ROBO1: variants seen among roughly 807,000 people sequenced by gnomAD.
ROBO1 encodes roundabout homolog 1.
A neutral mutation model predicts 195.9 loss-of-function variants in ROBO1; 149 were observed. That is an observed-to-expected ratio of 0.76 (90% CI 0.67 to 0.87). ROBO1 has a LOEUF of 0.87. ROBO1 is among the 40% of genes least tolerant of loss of function. The pLI is 0.00. For missense variants in ROBO1, 1,933 were observed against 2,068.3 expected (o/e 0.93, Z 1.27); for synonymous variants, 816 against 733.2 (o/e 1.11, Z -1.82).
intron 2 of ROBO1, among the ~76,000 whole-genome samples, chr3:79,496,675 C>A (rs1369251268): frequency 1.3e-5 from 2 of 151,018 alleles, no homozygotes; most frequent in Non-Finnish European, 3.0e-5. Context: ...GCGTGAGCCA[C>A]CGCGCCCGGC....
chr3:79,079,950 T>G (rs1224694605), intron 3 of ROBO1, among the ~76,000 whole-genome samples: 1 of 151,742 alleles, frequency 6.6e-6, no homozygotes, highest in African/African-American at 2.4e-5. Context: ...TCAAATGTTT[T>G]TTATTAAAAA....
intron 10 of ROBO1, among the ~76,000 whole-genome samples, chr3:78,677,851 C>G (rs1359240959): frequency 6.6e-6 from 1 of 151,968 alleles, no homozygotes; most frequent in Non-Finnish European, 1.5e-5. Flanking sequence ...AACTCTCCAC[C>G]CCAAATCAAC....
chr3:79,065,009 C>T (rs1040358407), intron 3 of ROBO1, among the ~76,000 whole-genome samples: 10 of 151,882 alleles, frequency 6.6e-5, no homozygotes, highest in East Asian at 1.9e-4. Context: ...TATTAAGAAA[C>T]GAAAAGCTTT....
intron 3 of ROBO1, among the ~76,000 whole-genome samples, chr3:78,948,415 A>G (rs1487144975): frequency 1.3e-5 from 2 of 152,310 alleles, no homozygotes; most frequent in East Asian, 1.9e-4. Flanking sequence ...GACAAAAACC[A>G]CATGACTATC....
chr3:79,144,356 G>A (rs938763480), intron 2 of ROBO1, among the ~76,000 whole-genome samples: 2 of 151,980 alleles, frequency 1.3e-5, no homozygotes, highest in African/African-American at 4.8e-5. Flanking sequence ...TTAGGATTAG[G>A]TTAAAGTTAA....
chr3:78,952,653 A>G (rs933934333), intron 3 of ROBO1, among the ~76,000 whole-genome samples: 1 of 151,986 alleles, frequency 6.6e-6, no homozygotes, highest in African/African-American at 2.4e-5. Flanking sequence ...CCAAATACTC[A>G]TGCTTACTGT....
chr3:79,592,942 C>A (rs79732311), intron 1 of ROBO1, among the ~76,000 whole-genome samples: 1 of 152,052 alleles, frequency 6.6e-6, no homozygotes, highest in African/African-American at 2.4e-5. Flanking sequence ...TGTTTGTTAT[C>A]TCCATAGTTC....
chr3:79,746,751 C>A (rs1399719349), intron 1 of ROBO1, among the ~76,000 whole-genome samples: 2 of 151,986 alleles, frequency 1.3e-5, no homozygotes, highest in Non-Finnish European at 2.9e-5. Context: ...CATGACTGAA[C>A]CTGCAATGGA....
intron 8 of ROBO1, among the ~76,000 whole-genome samples, chr3:78,710,742 A>C (rs2108011287): frequency 6.6e-6 from 1 of 152,316 alleles, no homozygotes; most frequent in Admixed American, 6.5e-5. Flanking sequence ...TCTTAGCTAC[A>C]CCATTATCTT....
At chr3:79,532,166 A>G (rs900843151) in intron 2 of ROBO1, among the ~76,000 whole-genome samples, 2 of 152,114 alleles carry the variant, frequency 1.3e-5, no homozygotes, top group Admixed American at 1.3e-4. Flanking sequence ...CATGTTGAAC[A>G]TTTTTCAGGG....
At chr3:78,879,535 A>G (rs1309241283) in intron 4 of ROBO1, among the ~76,000 whole-genome samples, 1 of 152,016 alleles carries the variant, frequency 6.6e-6, no homozygotes, top group African/African-American at 2.4e-5. Flanking sequence ...TTTAAAAAAA[A>G]AAAAGAACTA....
intron 1 of ROBO1, among the ~76,000 whole-genome samples, chr3:79,731,616 A>G (rs1703151748): frequency 6.6e-6 from 1 of 152,156 alleles, no homozygotes; most frequent in South Asian, 2.1e-4. Flanking sequence ...AACAATAAAA[A>G]GCATTACATA....
intron 5 of ROBO1, among the ~76,000 whole-genome samples, chr3:78,719,212 A>C (rs2608019): frequency 1 from 152,253 of 152,284 alleles, 76,111 homozygotes; most frequent in Non-Finnish European, 1. Context: ...ATCCCTCATA[A>C]CCAGAATGAC....
chr3:79,027,548 C>A (rs1413751204), intron 3 of ROBO1, among the ~76,000 whole-genome samples: 1 of 151,956 alleles, frequency 6.6e-6, no homozygotes, highest in African/African-American at 2.4e-5. Flanking sequence ...TGGGTAAATA[C>A]TGAATCCAAA....
chr3:79,266,153 C>T (rs1188953960), intron 2 of ROBO1, among the ~76,000 whole-genome samples: 1 of 151,372 alleles, frequency 6.6e-6, no homozygotes, highest in Non-Finnish European at 1.5e-5. Flanking sequence ...TTGGAAGATT[C>T]CCACACACAT....
intron 2 of ROBO1, among the ~76,000 whole-genome samples, chr3:79,155,331 T>G (rs2080840384): frequency 6.6e-6 from 1 of 151,792 alleles, no homozygotes; most frequent in African/African-American, 2.4e-5. Flanking sequence ...GTAAAGTAAT[T>G]GTCCTTGTAT....
At chr3:79,004,490 G>T (rs771745759) in intron 3 of ROBO1, among the ~76,000 whole-genome samples, 1 of 152,098 alleles carries the variant, frequency 6.6e-6, no homozygotes, top group Non-Finnish European at 1.5e-5. Context: ...ATGCAATATG[G>T]CATGACTGTG....
At chr3:79,196,534 C>G (rs2081640605) in intron 2 of ROBO1, among the ~76,000 whole-genome samples, 2 of 151,760 alleles carry the variant, frequency 1.3e-5, no homozygotes, top group Admixed American at 1.3e-4. Context: ...CTTCTCAAGA[C>G]TTGCTAGTGA....
At chr3:78,716,800 G>A (rs758542609) in intron 7 of ROBO1, among the ~76,000 whole-genome samples, 1 of 151,966 alleles carries the variant, frequency 6.6e-6, no homozygotes, top group Non-Finnish European at 1.5e-5. Context: ...TCCCTGATTC[G>A]TGCATCTCTG....
Sources: gnomAD v4.1 joint callset for allele counts (sites outside exome capture counted in the v4.1 genomes callset) on GRCh38, gnomAD v4.1.1 for gene constraint, MANE v1.5 for transcripts, NCBI Gene and HGNC (gene_info 2026-07-23, HGNC 2026-07-21) for gene names.